PEBP4: variants seen among roughly 807,000 people sequenced by gnomAD.
PEBP4 encodes the protein phosphatidylethanolamine binding protein 4, also known as phosphatidylethanolamine-binding protein 4.
Under a neutral mutation model 23.9 loss-of-function variants are expected in PEBP4, and 22 were observed. That is an observed-to-expected ratio of 0.92 (90% confidence interval 0.66 to 1.31). The LOEUF (loss-of-function observed/expected upper bound fraction) is 1.31. PEBP4 is among the 40% of genes most tolerant of loss of function. The pLI is 0.00. For missense variants in PEBP4, 324 were observed against 281.7 expected, an observed-to-expected ratio of 1.15 and a Z score of -1.07; for synonymous variants, 112 against 99.3, an observed-to-expected ratio of 1.13 and a Z score of -0.76.
chr8:22,713,259 G>T lies in PEBP4; in HGVS notation c.*111C>A. ...GGATACAAAGCACCAAGCCCTGGATGATTTTTTTTTTATTTGGAAAAGAAG... is the reference window on the plus strand; with the variant it reads ...GGATACAAAGCACCAAGCCCTGGATTATTTTTTTTTTATTTGGAAAAGAAG... On this transcript the variant is annotated 3_prime_UTR_variant, in exon 7 of 7. Transcript: ENST00000256404. 2.8e-6 allele frequency: 4 copies of T among 1,413,404 alleles called. No individual in the cohort carries two copies. The highest frequency in any genetic ancestry group is 2.8e-6 in the Non-Finnish European group (3 of 1,082,136). 87.6% of individuals were successfully genotyped at this position (1,413,404 alleles called of 1,614,324 possible).
intron 6 of PEBP4, among the ~76,000 whole-genome samples, chr8:22,717,516 G>A (rs1184420187): frequency 6.6e-6 from 1 of 152,154 alleles, no homozygotes; most frequent in African/African-American, 2.4e-5. Flanking sequence ...CTGAGGGAGG[G>A]AGGCTCCCCC....
intron 4 of PEBP4, chr8:22,747,544 G>A (rs573799237): frequency 9.9e-5 from 15 of 152,086 alleles, no homozygotes; most frequent in Admixed American, 9.2e-4. Flanking sequence ...TGTGATCAGA[G>A]CTGGGGGAGC....
intron 4 of PEBP4, among the ~76,000 whole-genome samples, chr8:22,795,128 T>C (rs570870545): frequency 2.3e-4 from 32 of 138,058 alleles, no homozygotes; most frequent in Middle Eastern, 3.6e-3. Flanking sequence ...TATGTGTGTA[T>C]ATATATGTGT....
intron 3 of PEBP4, among the ~76,000 whole-genome samples, chr8:22,841,199 C>T (rs550992976): frequency 6.6e-6 from 1 of 152,228 alleles, no homozygotes; most frequent in Non-Finnish European, 1.5e-5. Flanking sequence ...GTAGCAAAGG[C>T]AAAAATCAAA....
At chr8:22,934,907 T>C (rs1298313566) in intron 1 of PEBP4, among the ~76,000 whole-genome samples, 1 of 151,936 alleles carries the variant, frequency 6.6e-6, no homozygotes, top group East Asian at 1.9e-4. Flanking sequence ...CACAAATAGA[T>C]TGAAAGAGAA....
chr8:22,748,466 G>C (rs1420118280), intron 4 of PEBP4, among the ~76,000 whole-genome samples: 1 of 151,804 alleles, frequency 6.6e-6, no homozygotes, highest in Non-Finnish European at 1.5e-5. Flanking sequence ...CTAGATGCCT[G>C]AGGGGAGAGG....
At chr8:22,759,891 C>T (rs1158769353) in intron 4 of PEBP4, among the ~76,000 whole-genome samples, 1 of 152,140 alleles carries the variant, frequency 6.6e-6, no homozygotes, top group African/African-American at 2.4e-5. Flanking sequence ...CTCATTTCTG[C>T]ACATGCTTGC....
At chr8:22,874,829 C>T (rs1055248361) in intron 3 of PEBP4, among the ~76,000 whole-genome samples, 3 of 152,122 alleles carry the variant, frequency 2.0e-5, no homozygotes, top group Non-Finnish European at 4.4e-5. Context: ...CTGAAAGATA[C>T]CATTTCTTAG....
chr8:22,751,588 C>CTGTG (rs139334012), intron 4 of PEBP4, among the ~76,000 whole-genome samples: 1,573 of 147,236 alleles, frequency 0.011, 17 homozygotes, highest in Admixed American at 0.026. Context: ...AGGAGTGTGT[C>CTGTG]TGTGTGTGTG....
chr8:22,763,369 A>C (rs767719880), intron 4 of PEBP4, among the ~76,000 whole-genome samples: 4 of 151,972 alleles, frequency 2.6e-5, no homozygotes, highest in Non-Finnish European at 5.9e-5. Context: ...CCAACCAAAG[A>C]CTTGTTCATT....
intron 3 of PEBP4, among the ~76,000 whole-genome samples, chr8:22,857,437 G>A (rs1318765556): frequency 6.6e-6 from 1 of 152,160 alleles, no homozygotes; most frequent in Admixed American, 6.5e-5. Context: ...GTTCTTGAAG[G>A]ACCGCCAGGA....
At chr8:22,858,571 G>A (rs986827548) in intron 3 of PEBP4, among the ~76,000 whole-genome samples, 5 of 152,174 alleles carry the variant, frequency 3.3e-5, no homozygotes, top group Admixed American at 2.6e-4. Context: ...TAGAAAGCAA[G>A]AAAGGGATAA....
At chr8:22,842,410 G>C (rs1011559860) in intron 3 of PEBP4, among the ~76,000 whole-genome samples, 2 of 152,166 alleles carry the variant, frequency 1.3e-5, no homozygotes, top group African/African-American at 4.8e-5. Context: ...TTTGGACCCA[G>C]GGTGCCAATT....
intron 3 of PEBP4, among the ~76,000 whole-genome samples, chr8:22,864,587 G>A (rs1045314164): frequency 3.3e-5 from 5 of 152,154 alleles, no homozygotes; most frequent in African/African-American, 1.2e-4. Flanking sequence ...GGGGTGAGGA[G>A]AAGCAGTAGG....
intron 4 of PEBP4, among the ~76,000 whole-genome samples, chr8:22,793,408 A>G (rs1806180199): frequency 1.3e-5 from 2 of 149,540 alleles, no homozygotes; most frequent in African/African-American, 4.9e-5. Context: ...CTGGGATTAC[A>G]GGCATGCACC....
chr8:22,850,359 T>C (rs1411936955), intron 3 of PEBP4, among the ~76,000 whole-genome samples: 2 of 152,068 alleles, frequency 1.3e-5, no homozygotes, highest in Non-Finnish European at 2.9e-5. Context: ...GACTGCCTGA[T>C]GGTGGGAAGG....
chr8:22,882,530 G>A (rs1019844953), intron 3 of PEBP4, among the ~76,000 whole-genome samples: 1 of 152,186 alleles, frequency 6.6e-6, no homozygotes, highest in South Asian at 2.1e-4. Flanking sequence ...ATGAACAGAG[G>A]GAGGCCTCAA....
intron 4 of PEBP4, among the ~76,000 whole-genome samples, chr8:22,758,566 G>A (rs1333422610): frequency 1.3e-5 from 2 of 152,192 alleles, no homozygotes; most frequent in Non-Finnish European, 1.5e-5. Context: ...AGAAAAGCCC[G>A]CAGCCCAGTT....
Position 22,728,555 on chromosome 8 carries a change from T to C in PEBP4, c.358-1335A>G, listed in dbSNP as rs7460505. On this transcript the variant is annotated intron_variant, in intron 4 of 6. Coordinates refer to ENST00000256404, the MANE Select transcript of PEBP4 (RefSeq NM_144962.3). The stretch of plus-strand genomic sequence containing the variant: ...TTCTTTCTTCCTTCCTTTCTTTCTT[T>C]CTTTCTTCCTTCCTTCCTTCCTTCC... Among the ~76,000 whole-genome samples the C allele has an allele frequency of 6.8e-3, 474 of 69,246 alleles. 4 individuals carry two copies. Among genetic ancestry groups the C allele is most frequent in the African/African-American group, 0.021 (378 of 17,640 alleles). 45.4% of individuals were successfully genotyped at this position (69,246 alleles called of 152,430 possible).
Sources: allele counts gnomAD v4.1 joint callset (sites outside exome capture counted in the v4.1 genomes callset), GRCh38; gene constraint gnomAD v4.1.1; transcripts MANE v1.5; gene names NCBI Gene and HGNC (gene_info 2026-07-23, HGNC 2026-07-21).